The following CCDC3 variants were observed in gnomAD, a reference collection of about 807,000 sequenced individuals.
The protein encoded by CCDC3 is coiled-coil domain containing 3, also known as coiled-coil domain-containing protein 3.
CCDC3 carries 24 observed loss-of-function variants against 21.4 expected under a neutral mutation model. The observed-to-expected ratio is 1.12, with a 90% confidence interval of 0.81 to 1.58. The LOEUF (loss-of-function observed/expected upper bound fraction) is 1.58, where lower values mean the gene tolerates loss of function less well. Ranked by LOEUF, CCDC3 falls within the 40% of genes most tolerant of loss-of-function variation. The probability of loss-of-function intolerance (pLI) is 0.00; values close to 1 mark genes in which losing one functional copy is unlikely to be tolerated. For missense variants in CCDC3, 425 were observed against 360.9 expected, an observed-to-expected ratio of 1.18 and a Z score of -1.44; for synonymous variants, 186 against 166.0, an observed-to-expected ratio of 1.12 and a Z score of -0.93.
At chr10:13,000,316 C>A (rs1835827161) in intron 1 of CCDC3, among the ~76,000 whole-genome samples, 1 of 152,136 alleles carries the variant, frequency 6.6e-6, no homozygotes. Flanking sequence ...TTCTACCTGG[C>A]ACTCTCTATT....
chr10:13,065,383 T>G (rs1430100758), intron 4 of CCDC3, among the ~76,000 whole-genome samples: 1 of 152,116 alleles, frequency 6.6e-6, no homozygotes, highest in African/African-American at 2.4e-5. Flanking sequence ...CTTATTAGCA[T>G]AAAAATGGTC....
chr10:13,033,642 C>T (rs1216868324), intron 5 of CCDC3, among the ~76,000 whole-genome samples: 3 of 152,118 alleles, frequency 2.0e-5, no homozygotes, highest in South Asian at 2.1e-4. Flanking sequence ...AACAAATTTA[C>T]AAGAAAAAAG....
intron 2 of CCDC3, among the ~76,000 whole-genome samples, chr10:12,923,970 A>T (rs1477297221): frequency 6.6e-6 from 1 of 152,176 alleles, no homozygotes. Context: ...GGTGAACGGA[A>T]CTTCACCTTT....
intron 2 of CCDC3, among the ~76,000 whole-genome samples, chr10:12,996,160 A>G (rs1290629250): frequency 1.3e-5 from 2 of 152,158 alleles, no homozygotes; most frequent in Non-Finnish European, 2.9e-5. Flanking sequence ...CCAACTCAAT[A>G]TGGAGTAGGC....
chr10:13,052,956 A>T (rs1836629182), intron 4 of CCDC3, among the ~76,000 whole-genome samples: 1 of 113,514 alleles, frequency 8.8e-6, no homozygotes, highest in African/African-American at 3.3e-5. Context: ...ACACACACAC[A>T]CACACACACA....
At chr10:12,988,212 C>A (rs372540064) in intron 2 of CCDC3, among the ~76,000 whole-genome samples, 5 of 152,220 alleles carry the variant, frequency 3.3e-5, no homozygotes, top group African/African-American at 1.2e-4. Flanking sequence ...AAGCCATTTT[C>A]ACCTTGGGGC....
intron 5 of CCDC3, among the ~76,000 whole-genome samples, chr10:13,037,764 G>A (rs1372024206): frequency 2.0e-5 from 3 of 152,150 alleles, no homozygotes; most frequent in Admixed American, 6.5e-5. Flanking sequence ...CCACCAAGGA[G>A]TTTGAGACCA....
intron 5 of CCDC3, among the ~76,000 whole-genome samples, chr10:13,045,173 T>A (rs1836507953): frequency 6.6e-6 from 1 of 152,220 alleles, no homozygotes; most frequent in Non-Finnish European, 1.5e-5. Context: ...ATGCCTGAAA[T>A]TCTTTTATTG....
chr10:13,044,272 A>C (rs1241989983), intron 5 of CCDC3, among the ~76,000 whole-genome samples: 1 of 152,156 alleles, frequency 6.6e-6, no homozygotes, highest in Non-Finnish European at 1.5e-5. Context: ...TGTCAGATGC[A>C]TAGTTTGTGA....
chr10:13,033,678 A>G (rs1019348142), intron 5 of CCDC3, among the ~76,000 whole-genome samples: 7 of 152,230 alleles, frequency 4.6e-5, no homozygotes, highest in Non-Finnish European at 1.0e-4. Flanking sequence ...AAAAGTGGGC[A>G]AAGGATATGA....
In CCDC3 at chr10:12,979,030, C is replaced by G. The variant is rs572722996; in HGVS notation, c.549+19308G>C. 9.2e-5 allele frequency among the ~76,000 whole-genome samples: 14 copies of G among 152,166 alleles called. No individual in the cohort carries two copies. In the East Asian group the frequency reaches 1.9e-3, roughly 21 times the overall value. ...CATCGCCTCATCCATAAGCCAGGCT[C>G]CCATGTTGACAGAAGATCACATATC... On this transcript the variant is annotated intron_variant, in intron 2 of 2. Transcript: ENST00000378825.
Position 12,977,012 on chromosome 10 carries a change from G to A in CCDC3, c.549+21326C>T, listed in dbSNP as rs560763150. Among the ~76,000 whole-genome samples, 33 of 152,300 alleles carry A rather than the reference G, an allele frequency of 2.2e-4. 1 individual carries two copies. Among genetic ancestry groups the A allele is most frequent in the African/African-American group, 7.2e-4 (30 of 41,560 alleles). ...TGTCAGGCCGAGTGCAGTGGCTCAC[G>A]CCTGTAATCCCAGCACTTTGGGAGG... On this transcript the variant is annotated intron_variant, in intron 2 of 2. Coordinates refer to ENST00000378825, the MANE Select transcript of CCDC3 (RefSeq NM_031455.4).
At chr10:12,949,326 G>C (rs1717383772) in intron 2 of CCDC3, among the ~76,000 whole-genome samples, 2 of 152,218 alleles carry the variant, frequency 1.3e-5, no homozygotes, top group African/African-American at 4.8e-5. Flanking sequence ...CACAGCTTCA[G>C]TGAAGTGCTT....
rs375956100 is a variant in CCDC3 at position 12,996,460 on chromosome 10, C to T, written c.549+1878G>A. 8.5e-5 allele frequency among the ~76,000 whole-genome samples: 13 copies of T among 152,206 alleles called. No individual in the cohort carries two copies. In the East Asian group the frequency reaches 1.7e-3, roughly 20 times the overall value. Reference sequence around the variant, plus strand: ...AAGCGATTTTCCTGCCTCAGCCTCCCGAGTAGCTGGAATTAGAAGCACGCA... The same window carrying T: ...AAGCGATTTTCCTGCCTCAGCCTCCTGAGTAGCTGGAATTAGAAGCACGCA... On this transcript the variant is annotated intron_variant, in intron 2 of 2. Transcript: ENST00000378825.
chr10:13,072,203 A>C (rs146847839), intron 4 of CCDC3, among the ~76,000 whole-genome samples: 2 of 152,150 alleles, frequency 1.3e-5, no homozygotes, highest in East Asian at 3.9e-4. Context: ...CCTTCAGGCT[A>C]TCAAACTCCA....
At chr10:12,929,261 CAAAAAAAAAA>C (rs10609537) in intron 2 of CCDC3, among the ~76,000 whole-genome samples, 6 of 104,576 alleles carry the variant, frequency 5.7e-5, no homozygotes, top group African/African-American at 2.3e-4. Flanking sequence ...GATTCCATCT[CAAAAAAAAAA>C]AAAAAAAAAA....
At chr10:12,970,682 T>A (rs1032672315) in intron 2 of CCDC3, among the ~76,000 whole-genome samples, 5 of 152,106 alleles carry the variant, frequency 3.3e-5, no homozygotes, top group Admixed American at 6.5e-5. Context: ...GGCCAAGAGT[T>A]CGAGACTAAC....
chr10:13,094,585 C>G (rs1342777707), intron 3 of CCDC3, among the ~76,000 whole-genome samples: 2 of 151,910 alleles, frequency 1.3e-5, no homozygotes, highest in African/African-American at 4.8e-5. Flanking sequence ...TGAGGCAGGC[C>G]CGGCACAGAG....
chr10:13,033,819 A>G (rs1220679614), intron 5 of CCDC3, among the ~76,000 whole-genome samples: 6 of 152,174 alleles, frequency 3.9e-5, no homozygotes, highest in African/African-American at 1.2e-4. Context: ...TTAGAATGGC[A>G]ATCATTAAAA....
Sources: allele counts gnomAD v4.1 joint callset (sites outside exome capture counted in the v4.1 genomes callset), GRCh38; gene constraint gnomAD v4.1.1; transcripts MANE v1.5; gene names NCBI Gene and HGNC (gene_info 2026-07-23, HGNC 2026-07-21).